The following FMN1 variants were observed in gnomAD, a reference collection of about 807,000 sequenced individuals.
FMN1 encodes the protein formin-1.
In FMN1, 110 loss-of-function variants were observed where a neutral mutation model predicts 132.4. That is an observed-to-expected ratio of 0.83 (90% CI 0.71 to 0.97). The LOEUF is 0.97. Among genes scored for constraint, FMN1 ranks in the 50% least tolerant of loss-of-function variants. The pLI is 0.00. For synonymous variants in FMN1, 722 were observed against 651.7 expected, an observed-to-expected ratio of 1.11 and a Z score of -1.64; for missense variants, 1,792 against 1,705.3, an observed-to-expected ratio of 1.05 and a Z score of -0.90.
intron 7 of FMN1, among the ~76,000 whole-genome samples, chr15:33,004,066 T>C (rs908091295): frequency 2.6e-5 from 4 of 152,242 alleles, no homozygotes; most frequent in Admixed American, 1.3e-4. Context: ...AAGACTTACA[T>C]GTTAGACCTA....
At chr15:32,879,611 T>C (rs1416580866) in intron 16 of FMN1, among the ~76,000 whole-genome samples, 1 of 152,194 alleles carries the variant, frequency 6.6e-6, no homozygotes, top group Non-Finnish European at 1.5e-5. Context: ...TCGCCTCATC[T>C]GACCCTTTCA....
chr15:33,125,472 G>A lies in FMN1; in HGVS notation c.1867+27576C>T, dbSNP rs564338516. Among the ~76,000 whole-genome samples the A allele has an allele frequency of 2.6e-3, 394 of 152,026 alleles. 2 individuals carry two copies. The highest frequency in any genetic ancestry group is 0.01 in the Middle Eastern group (3 of 294). ...TTATTTAAAGGAAATATCTAATGGG[G>A]TTATACAAATTAGTTATGTCTGGTC... On this transcript the variant is annotated intron_variant, in intron 4 of 20. Coordinates refer to ENST00000616417, the MANE Select transcript of FMN1 (RefSeq NM_001277313.2).
intron 17 of FMN1, among the ~76,000 whole-genome samples, chr15:32,848,049 T>C (rs1437054927): frequency 1.3e-5 from 2 of 152,010 alleles, no homozygotes. Flanking sequence ...GGCATATTCA[T>C]AAAAGTGTAC....
intron 14 of FMN1, among the ~76,000 whole-genome samples, chr15:32,899,375 G>C (rs2060239493): frequency 6.6e-6 from 1 of 152,214 alleles, no homozygotes; most frequent in Non-Finnish European, 1.5e-5. Flanking sequence ...CCTCCCACAA[G>C]GCAGCCTTTG....
intron 7 of FMN1, among the ~76,000 whole-genome samples, chr15:32,982,015 G>T (rs941384271): frequency 6.6e-6 from 1 of 151,888 alleles, no homozygotes; most frequent in Non-Finnish European, 1.5e-5. Flanking sequence ...AGCATAGAGA[G>T]AATTCAGTTA....
chr15:33,142,616 A>AT (rs1269058003), intron 4 of FMN1, among the ~76,000 whole-genome samples: 1 of 152,178 alleles, frequency 6.6e-6, no homozygotes, highest in Admixed American at 6.5e-5. Flanking sequence ...AATAGCAGGA[A>AT]TTTTTTCAGC....
intron 8 of FMN1, among the ~76,000 whole-genome samples, chr15:32,966,520 A>T (rs1256339165): frequency 6.6e-6 from 1 of 152,086 alleles, no homozygotes; most frequent in East Asian, 1.9e-4. Context: ...AAAATGAGAA[A>T]CTTACTAAGA....
intron 7 of FMN1, among the ~76,000 whole-genome samples, chr15:33,005,025 A>C (rs1202764417): frequency 1.3e-5 from 2 of 152,012 alleles, no homozygotes; most frequent in African/African-American, 2.4e-5. Flanking sequence ...AACATCACAC[A>C]CCAGGGACTG....
intron 9 of FMN1, among the ~76,000 whole-genome samples, chr15:32,941,565 T>A (rs2061401379): frequency 6.6e-6 from 1 of 152,216 alleles, no homozygotes; most frequent in African/African-American, 2.4e-5. Flanking sequence ...TTCATTCCAC[T>A]CCTAGTCTAT....
chr15:33,128,232 G>A (rs1443286036), intron 4 of FMN1, among the ~76,000 whole-genome samples: 10 of 151,876 alleles, frequency 6.6e-5, no homozygotes, highest in African/African-American at 1.9e-4. Context: ...AGCAACCAAA[G>A]ACCATAATTT....
chr15:33,006,204 C>T (rs1272374582), intron 7 of FMN1, among the ~76,000 whole-genome samples: 2 of 152,034 alleles, frequency 1.3e-5, no homozygotes, highest in African/African-American at 4.8e-5. Flanking sequence ...AGAAAACAAA[C>T]AGCCTGATTT....
At chr15:33,043,634 A>G (rs763335797) in intron 6 of FMN1, among the ~76,000 whole-genome samples, 61 of 152,252 alleles carry the variant, frequency 4.0e-4, no homozygotes, top group Non-Finnish European at 8.4e-4. Context: ...AGTGGCACCC[A>G]GGAGTACTGT....
rs774529165 is a variant in FMN1, at chr15:32,804,328, T to C, written c.3933A>G (p.Lys1311=). Residue 1311 remains lysine, a synonymous_variant, in exon 18 of 21, where the codon AAA becomes AAG. Coordinates refer to ENST00000616417, the MANE Select transcript of FMN1 (RefSeq NM_001277313.2). ...GACTTTCTTCCATCTTATGCTCTTT[T>C]TTGGCTGTAAAAGATAAATCATGAT... is the stretch of plus-strand genomic sequence containing the variant. ...DKLEEFFQKA[K]KEHKMEESHL... 11 of 1,560,566 alleles carry C rather than the reference T, an allele frequency of 7.0e-6. No individual in the cohort carries two copies. Among genetic ancestry groups the C allele is most frequent in the South Asian group, 2.4e-5 (2 of 84,584 alleles).
intron 9 of FMN1, among the ~76,000 whole-genome samples, chr15:32,959,164 T>C (rs1276553225): frequency 6.6e-6 from 1 of 152,168 alleles, no homozygotes; most frequent in Admixed American, 6.5e-5. Context: ...TTTCTCTTGT[T>C]CAGTCATTAT....
intron 4 of FMN1, among the ~76,000 whole-genome samples, chr15:33,130,576 T>G (rs2140225003): frequency 6.6e-6 from 1 of 152,342 alleles, no homozygotes; most frequent in African/African-American, 2.4e-5. Flanking sequence ...AAGAAAATGC[T>G]GTGATATAAG....
At chr15:33,138,451 C>A (rs1049063923) in intron 4 of FMN1, among the ~76,000 whole-genome samples, 13 of 152,154 alleles carry the variant, frequency 8.5e-5, no homozygotes, top group African/African-American at 3.1e-4. Context: ...TGACATCTCT[C>A]CCCAAGGACA....
In FMN1 at chr15:33,166,212, C is replaced by T. The variant is rs556560049; in HGVS notation, c.-131-11167G>A. ...CAAGAAATTTCAAAGCGACTTGCCC[C>T]TGGTCAAACAACTAGTGAGCAATGG... On this transcript the variant is annotated intron_variant, in intron 3 of 20. Transcript: ENST00000616417. 2.4e-3 allele frequency among the ~76,000 whole-genome samples: 359 copies of T among 152,242 alleles called. 2 individuals are homozygous for T. The highest frequency in any genetic ancestry group is 3.9e-3 in the Non-Finnish European group (264 of 68,022).
intron 4 of FMN1, among the ~76,000 whole-genome samples, chr15:33,097,764 T>C (rs2039144501): frequency 1.3e-5 from 2 of 152,184 alleles, no homozygotes; most frequent in East Asian, 1.9e-4. Flanking sequence ...TCAAAATACA[T>C]GAAGCAAAAC....
chr15:33,005,600 C>A (rs1198802342), intron 7 of FMN1, among the ~76,000 whole-genome samples: 1 of 152,152 alleles, frequency 6.6e-6, no homozygotes, highest in African/African-American at 2.4e-5. Flanking sequence ...ACCTAGCACA[C>A]AGCAAGAATT....
Sources: allele counts gnomAD v4.1 joint callset (sites outside exome capture counted in the v4.1 genomes callset), GRCh38; gene constraint gnomAD v4.1.1; transcripts MANE v1.5; gene names NCBI Gene and HGNC (gene_info 2026-07-23, HGNC 2026-07-21).